DMD: variants seen among roughly 807,000 people sequenced by gnomAD.
DMD encodes mutant dystrophin.
A neutral mutation model predicts 330.1 loss-of-function variants in DMD; 63 were observed. That is an observed-to-expected ratio of 0.19 (90% CI 0.16 to 0.24). The LOEUF (loss-of-function observed/expected upper bound fraction) is 0.24. Ranked by LOEUF, DMD falls within the 10% of genes least tolerant of loss-of-function variation. DMD has a pLI of 1.00. For synonymous variants in DMD, 1,223 were observed against 959.8 expected, an observed-to-expected ratio of 1.27 and a Z score of -5.07; for missense variants, 3,344 against 2,684.1, an observed-to-expected ratio of 1.25 and a Z score of -5.43.
chrX:31,284,859 CACA>C (rs1569517155), intron 62 of DMD, among the ~76,000 whole-genome samples: 32 of 107,343 alleles, frequency 3.0e-4, no homozygotes, highest in Middle Eastern at 4.7e-3. Flanking sequence ...CACACACACA[CACA>C]CCCACACCCA....
intron 60 of DMD, among the ~76,000 whole-genome samples, chrX:31,373,865 C>T (rs1331755295): frequency 9.2e-6 from 1 of 109,052 alleles, no homozygotes; most frequent in Non-Finnish European, 1.9e-5. Context: ...AAAGAAACTA[C>T]CATCAGAGTG....
chrX:32,875,401 G>A (rs2149167507), intron 2 of DMD, among the ~76,000 whole-genome samples: 1 of 111,991 alleles, frequency 8.9e-6, no homozygotes, highest in South Asian at 3.7e-4. Context: ...CTTTCAACCT[G>A]CTGTGAGAAA....
intron 1 of DMD, among the ~76,000 whole-genome samples, chrX:33,112,138 T>C (rs2095344110): frequency 9.0e-6 from 1 of 110,957 alleles, no homozygotes; most frequent in Admixed American, 9.7e-5. Context: ...TACAGTACAA[T>C]AAGATATTTT....
chrX:32,152,274 G>A (rs749884706), intron 44 of DMD, among the ~76,000 whole-genome samples: 8 of 111,377 alleles, frequency 7.2e-5, no homozygotes, highest in Non-Finnish European at 1.1e-4. Flanking sequence ...AAGATGGGGG[G>A]TGGGCGTTGA....
intron 1 of DMD, among the ~76,000 whole-genome samples, chrX:33,221,733 T>A (rs1412254155): frequency 9.1e-6 from 1 of 110,158 alleles, no homozygotes; most frequent in Non-Finnish European, 1.9e-5. Context: ...ACAGTAAGGG[T>A]TTACTATGAA....
chrX:32,460,647 C>T lies in DMD; in HGVS notation c.3432+2792G>A, dbSNP rs1211978616. ...AAACATGCTAAGCCCTCTCTTGCCT[C>T]AGATGTTTTCTCCACTTCATTTTCT... On this transcript the variant is annotated intron_variant, in intron 25 of 78. Transcript: ENST00000357033. 2.7e-5 allele frequency among the ~76,000 whole-genome samples: 3 copies of T among 110,946 alleles called. No homozygotes were observed. The East Asian group carries it at 8.5e-4, about 32-fold the overall frequency.
intron 7 of DMD, among the ~76,000 whole-genome samples, chrX:32,787,092 T>G (rs1307661095): frequency 3.6e-5 from 4 of 110,963 alleles, no homozygotes; most frequent in Non-Finnish European, 7.5e-5. Context: ...TTTGCAAGTG[T>G]GCTAACTAAT....
chrX:33,101,057 T>C (rs1056674971), intron 1 of DMD, among the ~76,000 whole-genome samples: 5 of 112,218 alleles, frequency 4.5e-5, no homozygotes, highest in Non-Finnish European at 9.4e-5. Flanking sequence ...GAGGATAATT[T>C]TGCACAGCAT....
At chrX:31,243,955 GAAGT>G (rs1013137133) in intron 63 of DMD, among the ~76,000 whole-genome samples, 14 of 99,150 alleles carry the variant, frequency 1.4e-4, no homozygotes, top group African/African-American at 5.3e-4. Flanking sequence ...AAATGTAACT[GAAGT>G]AAGAGGCTAC....
chrX:32,872,957 A>C (rs772144133), intron 2 of DMD, among the ~76,000 whole-genome samples: 62 of 112,056 alleles, frequency 5.5e-4, no homozygotes, highest in Non-Finnish European at 1.3e-4. Context: ...GTGGTGGCTA[A>C]TCTTATTTAA....
intron 47 of DMD, among the ~76,000 whole-genome samples, chrX:31,888,165 A>C (rs183120101): frequency 9.0e-6 from 1 of 111,336 alleles, no homozygotes; most frequent in Non-Finnish European, 1.9e-5. Flanking sequence ...TAAGGAATAA[A>C]ATTCTTGATA....
intron 1 of DMD, among the ~76,000 whole-genome samples, chrX:33,089,584 G>A (rs143707738): frequency 0.017 from 1,862 of 110,525 alleles, 20 homozygotes; most frequent in Non-Finnish European, 0.026. Context: ...TGTGACTCTC[G>A]GAAAAATTTT....
At chrX:32,594,110 A>C (rs1352781234) in intron 13 of DMD, among the ~76,000 whole-genome samples, 2 of 112,814 alleles carry the variant, frequency 1.8e-5, no homozygotes, top group East Asian at 5.6e-4. Flanking sequence ...AGAAATCCTA[A>C]AATATCATCA....
intron 44 of DMD, among the ~76,000 whole-genome samples, chrX:32,043,152 G>A (rs1418187612): frequency 1.8e-5 from 2 of 111,178 alleles, no homozygotes; most frequent in East Asian, 2.8e-4. Flanking sequence ...CATGTACCCC[G>A]TTGACATATA....
chrX:31,904,165 A>C (rs2094452642), intron 47 of DMD, among the ~76,000 whole-genome samples: 1 of 111,567 alleles, frequency 9.0e-6, no homozygotes, highest in Admixed American at 9.6e-5. Flanking sequence ...CCCCAACCCC[A>C]TGTACTTTTT....
chrX:32,378,040 G>A (rs976769670), intron 34 of DMD, among the ~76,000 whole-genome samples: 6 of 110,582 alleles, frequency 5.4e-5, no homozygotes, highest in Admixed American at 9.7e-5. Flanking sequence ...ATGAATCAGC[G>A]TGTTATCACC....
At chrX:32,364,088 G>T (rs1394414144) in intron 36 of DMD, among the ~76,000 whole-genome samples, 1 of 111,826 alleles carries the variant, frequency 8.9e-6, no homozygotes, top group East Asian at 2.8e-4. Context: ...AGAACCCAAA[G>T]CCTAGTTTAC....
At chrX:31,623,896 C>G (rs2078698304) in intron 55 of DMD, among the ~76,000 whole-genome samples, 1 of 111,078 alleles carries the variant, frequency 9.0e-6, no homozygotes, top group South Asian at 3.9e-4. Flanking sequence ...ATTGTCTTTA[C>G]AAGCTAATAT....
At chrX:33,207,643 T>G (rs2148851269) in intron 1 of DMD, among the ~76,000 whole-genome samples, 1 of 111,371 alleles carries the variant, frequency 9.0e-6, no homozygotes, top group South Asian at 3.8e-4. Context: ...CCCATGGTGT[T>G]GCCATTTTAA....
Sources: allele counts gnomAD v4.1 joint callset (sites outside exome capture counted in the v4.1 genomes callset), GRCh38; gene constraint gnomAD v4.1.1; transcripts MANE v1.5; gene names NCBI Gene and HGNC (gene_info 2026-07-23, HGNC 2026-07-21).